The following CTNNA3 variants were observed in gnomAD, a reference collection of about 807,000 sequenced individuals.
CTNNA3 encodes catenin alpha-3.
CTNNA3 carries 76 observed loss-of-function variants against 95.7 expected under a neutral mutation model. That is an observed-to-expected ratio of 0.79 (90% CI 0.66 to 0.96). The LOEUF (loss-of-function observed/expected upper bound fraction) is 0.96, where lower values mean the gene tolerates loss of function less well. Ranked by LOEUF, CTNNA3 falls within the 40% of genes least tolerant of loss-of-function variation. The pLI, the probability that CTNNA3 is intolerant of heterozygous loss-of-function variation, is 0.00. For synonymous variants in CTNNA3, 431 were observed against 374.4 expected, an observed-to-expected ratio of 1.15 and a Z score of -1.74; for missense variants, 1,191 against 1,089.8, an observed-to-expected ratio of 1.09 and a Z score of -1.31.
At chr10:67,332,951 A>T (rs991805163) in intron 5 of CTNNA3, among the ~76,000 whole-genome samples, 1 of 152,210 alleles carries the variant, frequency 6.6e-6, no homozygotes, top group Non-Finnish European at 1.5e-5. Context: ...ACACTGGATT[A>T]TATGAAGATC....
chr10:67,569,280 G>A (rs946276578), intron 3 of CTNNA3, among the ~76,000 whole-genome samples: 2 of 152,140 alleles, frequency 1.3e-5, no homozygotes, highest in Non-Finnish European at 2.9e-5. Flanking sequence ...GGATGATTGG[G>A]AAGTACTTAA....
intron 15 of CTNNA3, among the ~76,000 whole-genome samples, chr10:66,063,280 G>A (rs1402032737): frequency 7.0e-6 from 1 of 143,574 alleles, no homozygotes; most frequent in African/African-American, 2.6e-5. Flanking sequence ...ATATCCAGTT[G>A]GATATGTATG....
chr10:66,424,346 A>C (rs1375709343), intron 11 of CTNNA3, among the ~76,000 whole-genome samples: 1 of 151,768 alleles, frequency 6.6e-6, no homozygotes, highest in Non-Finnish European at 1.5e-5. Flanking sequence ...TTCTGGATTA[A>C]CTCTGTTGTT....
At chr10:67,536,255 A>G (rs1187263228) in intron 4 of CTNNA3, among the ~76,000 whole-genome samples, 3 of 152,136 alleles carry the variant, frequency 2.0e-5, no homozygotes, top group African/African-American at 7.2e-5. Flanking sequence ...TTATTTGAAA[A>G]GAGCCTTTTC....
chr10:65,920,379 A>AT lies in CTNNA3; in HGVS notation c.2638dup (p.Ile880AsnfsTer9), dbSNP rs761152565. 187 of 1,613,958 alleles carry AT rather than the reference A, an allele frequency of 1.2e-4. No homozygotes were observed. Among genetic ancestry groups the AT allele is most frequent in the Middle Eastern group, 9.9e-4 (6 of 6,062 alleles). On this transcript the variant is annotated frameshift_variant, in exon 18 of 18. Transcript: ENST00000433211. LOFTEE classifies it high-confidence loss of function. ...TTCACTCATGACTTGCAATGGATGG[A>AT]TTTTTTTCTTTGCTGAGCCTCGTCT...
chr10:67,564,371 T>C (rs1841666085), intron 3 of CTNNA3, among the ~76,000 whole-genome samples: 1 of 148,776 alleles, frequency 6.7e-6, no homozygotes, highest in Non-Finnish European at 1.5e-5. Flanking sequence ...GTAACCACCA[T>C]TCTGAGCAAA....
chr10:67,213,391 A>T (rs1167753231), intron 6 of CTNNA3, among the ~76,000 whole-genome samples: 1 of 151,730 alleles, frequency 6.6e-6, no homozygotes, highest in Non-Finnish European at 1.5e-5. Context: ...GGTCTTTACA[A>T]ATAATACACT....
chr10:66,657,736 T>C (rs554327313), intron 9 of CTNNA3, among the ~76,000 whole-genome samples: 17 of 152,320 alleles, frequency 1.1e-4, no homozygotes, highest in Non-Finnish European at 2.2e-4. Flanking sequence ...CATGCAGCAA[T>C]CTTAGTCACT....
intron 7 of CTNNA3, among the ~76,000 whole-genome samples, chr10:67,085,147 A>T (rs1489619649): frequency 1.3e-5 from 2 of 152,084 alleles, no homozygotes; most frequent in East Asian, 3.9e-4. Context: ...TGTTAATGAG[A>T]CAAGATACAC....
At chr10:66,247,949 T>C (rs1426312237) in intron 13 of CTNNA3, among the ~76,000 whole-genome samples, 1 of 152,158 alleles carries the variant, frequency 6.6e-6, no homozygotes, top group Non-Finnish European at 1.5e-5. Flanking sequence ...AAACACAGAA[T>C]ATTATAACAC....
intron 12 of CTNNA3, among the ~76,000 whole-genome samples, chr10:66,333,373 T>A: frequency 6.6e-6 from 1 of 152,082 alleles, no homozygotes; most frequent in East Asian, 1.9e-4. Context: ...TTTAGTGTTA[T>A]AAATTTCCCT....
intron 7 of CTNNA3, among the ~76,000 whole-genome samples, chr10:66,911,838 G>A (rs543031637): frequency 3.9e-5 from 6 of 152,182 alleles, no homozygotes; most frequent in South Asian, 2.1e-4. Context: ...CTCTCAAGTC[G>A]TTTAGAACTA....
intron 12 of CTNNA3, among the ~76,000 whole-genome samples, chr10:66,302,370 A>G (rs1224930436): frequency 6.6e-6 from 1 of 152,108 alleles, no homozygotes; most frequent in Non-Finnish European, 1.5e-5. Flanking sequence ...TACTTGATAC[A>G]ATATTGAAAG....
At chr10:67,222,704 G>A (rs1487299099) in intron 5 of CTNNA3, among the ~76,000 whole-genome samples, 1 of 152,078 alleles carries the variant, frequency 6.6e-6, no homozygotes, top group African/African-American at 2.4e-5. Flanking sequence ...ATAATTAAAA[G>A]TATAAATATT....
intron 4 of CTNNA3, among the ~76,000 whole-genome samples, chr10:67,533,903 G>T (rs1213336379): frequency 6.6e-6 from 1 of 151,776 alleles, no homozygotes; most frequent in Non-Finnish European, 1.5e-5. Flanking sequence ...ACTTCAACGG[G>T]ATTGAAAAAA....
intron 11 of CTNNA3, among the ~76,000 whole-genome samples, chr10:66,430,011 C>T: frequency 7.3e-6 from 1 of 137,214 alleles, no homozygotes; most frequent in East Asian, 2.1e-4. Context: ...ACCCCATCAT[C>T]TCAGTCGAAA....
At chr10:66,578,164 T>C (rs10997245) in intron 10 of CTNNA3, among the ~76,000 whole-genome samples, 1 of 151,894 alleles carries the variant, frequency 6.6e-6, no homozygotes, top group South Asian at 2.1e-4. Context: ...TGATTTTTAC[T>C]CATAGATTTT....
intron 7 of CTNNA3, among the ~76,000 whole-genome samples, chr10:67,167,143 T>G (rs1783206583): frequency 6.6e-6 from 1 of 152,156 alleles, no homozygotes; most frequent in South Asian, 2.1e-4. Context: ...AATTTTTTAT[T>G]CTTTCTTATG....
chr10:67,633,656 A>C (rs1839216760), intron 2 of CTNNA3, among the ~76,000 whole-genome samples: 1 of 152,172 alleles, frequency 6.6e-6, no homozygotes, highest in Non-Finnish European at 1.5e-5. Context: ...GAGTGACCTG[A>C]CTGTTAAAAG....
Sources: gnomAD v4.1 joint callset for allele counts (sites outside exome capture counted in the v4.1 genomes callset) on GRCh38, gnomAD v4.1.1 for gene constraint, MANE v1.5 for transcripts, NCBI Gene and HGNC (gene_info 2026-07-23, HGNC 2026-07-21) for gene names.